Variants in GMDS observed in about 807,000 individuals in gnomAD.
The protein encoded by GMDS is GDP-mannose 4,6 dehydratase.
Under a neutral mutation model 49.9 loss-of-function variants are expected in GMDS, and 20 were observed. The ratio of observed to expected loss-of-function variants is 0.40; its 90% CI spans 0.28 to 0.58. The LOEUF is 0.58. Among genes scored for constraint, GMDS ranks in the 20% least tolerant of loss-of-function variants. GMDS has a pLI of 0.42. For synonymous variants in GMDS, 177 were observed against 178.6 expected (o/e 0.99, Z 0.07); for missense variants, 362 against 481.4 (o/e 0.75, Z 2.32).
intron 1 of GMDS, among the ~76,000 whole-genome samples, chr6:2,182,438 C>T (rs1235060158): frequency 1.3e-5 from 2 of 152,226 alleles, no homozygotes; most frequent in East Asian, 3.9e-4. Context: ...AAGAAGACGT[C>T]ATCTGGGACT....
rs11967096 is a variant in GMDS at position 1,777,316 on chromosome 6, G to A, written c.772-34730C>T. Among the ~76,000 whole-genome samples the A allele has an allele frequency of 8.1e-3, 1,233 of 152,332 alleles. 16 individuals are homozygous for A. The highest frequency in any genetic ancestry group is 0.028 in the African/African-American group (1,158 of 41,562). On this transcript the variant is annotated intron_variant, in intron 7 of 10. Transcript: ENST00000380815. The stretch of plus-strand genomic sequence containing the variant: ...AATGTTCATTCCACTATTCCACACT[G>A]CTTCCTTAATGTTCATGTTGCTTCG...
At chr6:1,746,585 G>A (rs1393864834) in intron 7 of GMDS, among the ~76,000 whole-genome samples, 2 of 152,048 alleles carry the variant, frequency 1.3e-5, no homozygotes, top group Admixed American at 1.3e-4. Context: ...AAGTCAAGAT[G>A]GGTATAAATA....
chr6:2,070,161 C>G (rs925168792), intron 4 of GMDS, among the ~76,000 whole-genome samples: 6 of 150,700 alleles, frequency 4.0e-5, no homozygotes, highest in Non-Finnish European at 5.9e-5. Flanking sequence ...AGTAAACTAT[C>G]GCAAGAACAA....
chr6:2,108,477 A>G (rs563297959), intron 4 of GMDS, among the ~76,000 whole-genome samples: 79 of 152,252 alleles, frequency 5.2e-4, no homozygotes, highest in African/African-American at 1.7e-3. Flanking sequence ...TATTATATAT[A>G]TTAATTTTAT....
intron 1 of GMDS, among the ~76,000 whole-genome samples, chr6:2,244,362 C>A (rs1438326209): frequency 6.6e-6 from 1 of 152,184 alleles, no homozygotes; most frequent in Non-Finnish European, 1.5e-5. Flanking sequence ...GCGACTGGAA[C>A]ATGATAGACA....
At chr6:1,832,568 A>G (rs1428512368) in intron 7 of GMDS, among the ~76,000 whole-genome samples, 1 of 152,100 alleles carries the variant, frequency 6.6e-6, no homozygotes, top group Non-Finnish European at 1.5e-5. Flanking sequence ...CACAAGCAGT[A>G]ACTTGGCTGT....
chr6:2,211,500 A>G (rs1780059275), intron 1 of GMDS, among the ~76,000 whole-genome samples: 1 of 152,206 alleles, frequency 6.6e-6, no homozygotes, highest in South Asian at 2.1e-4. Flanking sequence ...AGACTAATTA[A>G]TAGTAACATC....
chr6:2,089,582 C>T (rs2127475061), intron 4 of GMDS, among the ~76,000 whole-genome samples: 1 of 152,240 alleles, frequency 6.6e-6, no homozygotes, highest in Non-Finnish European at 1.5e-5. Context: ...GGAGAGGTCT[C>T]ATCAGACTTT....
intron 7 of GMDS, among the ~76,000 whole-genome samples, chr6:1,775,209 C>T (rs1419912546): frequency 6.6e-6 from 1 of 152,076 alleles, no homozygotes; most frequent in Non-Finnish European, 1.5e-5. Flanking sequence ...TTGGTAAGAC[C>T]CCACTACTCA....
intron 1 of GMDS, among the ~76,000 whole-genome samples, chr6:2,155,273 T>C (rs892797722): frequency 1.3e-5 from 2 of 152,190 alleles, no homozygotes; most frequent in Non-Finnish European, 2.9e-5. Flanking sequence ...TCCTAGTAAT[T>C]ATATTTTAAC....
chr6:2,230,160 T>C lies in GMDS; in HGVS notation c.102+15161A>G, dbSNP rs115159216. On this transcript the variant is annotated intron_variant, in intron 1 of 10. Coordinates refer to ENST00000380815, the MANE Select transcript of GMDS (RefSeq NM_001500.4). ...CCTACCACAGGATTAATTCCTGAAATCTTTCCCAAATCCAAACGTTAAGCA... is the reference window on the plus strand; with the variant it reads ...CCTACCACAGGATTAATTCCTGAAACCTTTCCCAAATCCAAACGTTAAGCA... Among the ~76,000 whole-genome samples, 792 of 152,258 alleles carry C rather than the reference T, an allele frequency of 5.2e-3. 5 individuals carry two copies. Among genetic ancestry groups the C allele is most frequent in the African/African-American group, 0.018 (755 of 41,532 alleles).
chr6:1,905,814 G>T (rs71550097), intron 7 of GMDS, among the ~76,000 whole-genome samples: 4 of 86,712 alleles, frequency 4.6e-5, no homozygotes, highest in South Asian at 3.7e-4. Context: ...GCTTGTAGGT[G>T]GGACCTCAAA....
At chr6:1,727,184 C>G (rs755523246) in intron 8 of GMDS, among the ~76,000 whole-genome samples, 5 of 152,296 alleles carry the variant, frequency 3.3e-5, no homozygotes, top group Non-Finnish European at 7.4e-5. Flanking sequence ...AGCTAGGATA[C>G]TGTTTGCACA....
At chr6:2,152,085 G>T (rs111486897) in intron 1 of GMDS, among the ~76,000 whole-genome samples, 10 of 152,114 alleles carry the variant, frequency 6.6e-5, no homozygotes, top group African/African-American at 2.2e-4. Flanking sequence ...AACACAGATA[G>T]TTCTCTAATC....
chr6:1,977,207 T>C (rs765042833), intron 4 of GMDS, among the ~76,000 whole-genome samples: 14 of 152,226 alleles, frequency 9.2e-5, no homozygotes, highest in Non-Finnish European at 2.1e-4. Context: ...GATGCTTGTG[T>C]ATGTATGAAT....
At chr6:1,661,764 T>A (rs932933141) in intron 9 of GMDS, among the ~76,000 whole-genome samples, 6 of 152,218 alleles carry the variant, frequency 3.9e-5, no homozygotes, top group Admixed American at 6.5e-5. Flanking sequence ...GCAAATCCAC[T>A]GCTGGGTCCA....
At chr6:1,736,228 A>T (rs1766998331) in intron 8 of GMDS, among the ~76,000 whole-genome samples, 1 of 152,172 alleles carries the variant, frequency 6.6e-6, no homozygotes, top group African/African-American at 2.4e-5. Context: ...ACATCACCTT[A>T]TGTTGTAGTA....
intron 9 of GMDS, chr6:1,679,915 T>C (rs1245296738): frequency 6.6e-6 from 1 of 152,086 alleles, no homozygotes; most frequent in Non-Finnish European, 1.5e-5. Flanking sequence ...CTTTGAACAA[T>C]TAATTGGTCT....
intron 7 of GMDS, among the ~76,000 whole-genome samples, chr6:1,787,115 G>A (rs1229316960): frequency 6.6e-6 from 1 of 152,192 alleles, no homozygotes; most frequent in African/African-American, 2.4e-5. Context: ...TTTACTGCAT[G>A]TTTTTGGGTA....
Sources: allele counts gnomAD v4.1 joint callset (sites outside exome capture counted in the v4.1 genomes callset), GRCh38; gene constraint gnomAD v4.1.1; transcripts MANE v1.5; gene names NCBI Gene and HGNC (gene_info 2026-07-23, HGNC 2026-07-21).